Variants in FAM171B observed in about 807,000 individuals in gnomAD.
FAM171B encodes the protein family with sequence similarity 171 member B, also known as protein FAM171B.
Under a neutral mutation model 75.6 loss-of-function variants are expected in FAM171B, and 19 were observed. The observed-to-expected ratio is 0.25, with a 90% CI of 0.18 to 0.37. FAM171B has a LOEUF of 0.37. FAM171B is among the 10% of genes least tolerant of loss of function. FAM171B has a pLI of 1.00. For synonymous variants in FAM171B, 367 were observed against 361.7 expected, an observed-to-expected ratio of 1.01 and a Z score of -0.17; for missense variants, 848 against 982.4, an observed-to-expected ratio of 0.86 and a Z score of 1.83.
intron 1 of FAM171B, among the ~76,000 whole-genome samples, chr2:186,705,561 G>A (rs1689722472): frequency 6.6e-6 from 1 of 152,256 alleles, no homozygotes; most frequent in South Asian, 2.1e-4. Context: ...ACCCCTGAAA[G>A]GGGTCAGAAA....
chr2:186,709,501 T>G (rs189799844), intron 1 of FAM171B, among the ~76,000 whole-genome samples: 1 of 152,314 alleles, frequency 6.6e-6, no homozygotes, highest in Non-Finnish European at 1.5e-5. Flanking sequence ...TGGGATCTAC[T>G]ATGAGCTAGC....
intron 6 of FAM171B, among the ~76,000 whole-genome samples, chr2:186,754,504 G>A (rs1476247183): frequency 6.6e-6 from 1 of 152,146 alleles, no homozygotes; most frequent in African/African-American, 2.4e-5. Context: ...AGGCCTGCTT[G>A]ACTACCTTTG....
chr2:186,746,692 G>A (rs2105788182), intron 3 of FAM171B, among the ~76,000 whole-genome samples: 1 of 152,260 alleles, frequency 6.6e-6, no homozygotes, highest in Middle Eastern at 3.4e-3. Flanking sequence ...CTGTGCTTGG[G>A]ACAGGGCCCA....
At chr2:186,743,397 G>T in intron 2 of FAM171B, 86 bp from the exon 3 acceptor site, 1 of 841,910 alleles carries the variant, frequency 1.2e-6, no homozygotes, top group Admixed American at 2.3e-5. Flanking sequence ...CACACTTTTT[G>T]AGACTTGCTG....
At chr2:186,705,361 C>T (rs1039920445) in intron 1 of FAM171B, among the ~76,000 whole-genome samples, 2 of 152,090 alleles carry the variant, frequency 1.3e-5, no homozygotes, top group African/African-American at 4.8e-5. Context: ...GCTGCTTCTG[C>T]CCTGTCCCTG....
chr2:186,714,373 A>G (rs1448523610), intron 1 of FAM171B, among the ~76,000 whole-genome samples: 1 of 152,204 alleles, frequency 6.6e-6, no homozygotes, highest in Non-Finnish European at 1.5e-5. Flanking sequence ...AAGTAAAACA[A>G]CACTTTACGT....
intron 1 of FAM171B, among the ~76,000 whole-genome samples, chr2:186,717,852 G>C (rs1689895830): frequency 6.6e-6 from 1 of 152,138 alleles, no homozygotes. Flanking sequence ...TAGTTGTAAT[G>C]ACATACGGAT....
chr2:186,745,221 G>T (rs1690349773), intron 3 of FAM171B, among the ~76,000 whole-genome samples: 1 of 152,236 alleles, frequency 6.6e-6, no homozygotes, highest in Non-Finnish European at 1.5e-5. Flanking sequence ...CAAGTATACA[G>T]AGAGGCTCTG....
chr2:186,741,232 A>G (rs1690284672), intron 2 of FAM171B, among the ~76,000 whole-genome samples: 1 of 152,122 alleles, frequency 6.6e-6, no homozygotes, highest in South Asian at 2.1e-4. Flanking sequence ...ATGTGAAAAT[A>G]TATTGCTTAG....
chr2:186,709,710 A>G (rs1270299336), intron 1 of FAM171B, among the ~76,000 whole-genome samples: 2 of 152,072 alleles, frequency 1.3e-5, no homozygotes, highest in African/African-American at 2.4e-5. Context: ...CCTCCTGGCC[A>G]TTTCCCCTAA....
rs939902354 is a variant in FAM171B, at chr2:186,765,853, T to C, written c.*3030T>C. The C allele has an allele frequency of 6.6e-6, 1 of 152,168 alleles. No individual in the cohort carries two copies. Among genetic ancestry groups the C allele is most frequent in the Non-Finnish European group, 1.5e-5 (1 of 68,000 alleles). 9.4% of individuals were successfully genotyped at this position (152,168 alleles called of 1,614,324 possible). Reference sequence around the variant, plus strand: ...CAGAGAAATCTCATATTTCGGTGTATTTATTGCTGTTACTACTATATTTAC... The same window carrying C: ...CAGAGAAATCTCATATTTCGGTGTACTTATTGCTGTTACTACTATATTTAC... On this transcript the variant is annotated 3_prime_UTR_variant, in exon 8 of 8. Coordinates refer to ENST00000304698, the MANE Select transcript of FAM171B (RefSeq NM_177454.4).
chr2:186,725,139 T>C (rs1690011588), intron 1 of FAM171B, among the ~76,000 whole-genome samples: 1 of 152,030 alleles, frequency 6.6e-6, no homozygotes, highest in African/African-American at 2.4e-5. Flanking sequence ...GGTCAGGAGA[T>C]TGAGACCATC....
intron 6 of FAM171B, among the ~76,000 whole-genome samples, chr2:186,755,745 G>A (rs1690523359): frequency 6.6e-6 from 1 of 152,090 alleles, no homozygotes; most frequent in Admixed American, 6.5e-5. Context: ...CTCAGGCTGG[G>A]CTCAAACTCT....
intron 1 of FAM171B, among the ~76,000 whole-genome samples, chr2:186,710,557 T>C (rs1156894301): frequency 2.0e-5 from 3 of 152,138 alleles, no homozygotes; most frequent in Admixed American, 1.3e-4. Flanking sequence ...CTGTTTGATT[T>C]TTATGGCCAC....
Position 186,764,063 on chromosome 2 carries a change from T to A in FAM171B, c.*1240T>A, listed in dbSNP as rs929745365. ...ATGTGAACAACTTTTTAATTAACTC[T>A]GAATTACCATTCATACATCCTAAAA... On this transcript the variant is annotated 3_prime_UTR_variant, in exon 8 of 8. Coordinates refer to ENST00000304698, the MANE Select transcript of FAM171B (RefSeq NM_177454.4). 4 of 152,086 alleles carry A rather than the reference T, an allele frequency of 2.6e-5. No homozygotes were observed. The highest frequency in any genetic ancestry group is 2.1e-4 in the South Asian group (1 of 4,828). 9.4% of individuals were successfully genotyped at this position (152,086 alleles called of 1,614,324 possible). A position where few individuals can be genotyped will look rare whatever the true frequency, so the allele number is the denominator to read the frequency against.
At chr2:186,729,246 CG>C (rs1690077729) in intron 1 of FAM171B, among the ~76,000 whole-genome samples, 1 of 151,756 alleles carries the variant, frequency 6.6e-6, no homozygotes, top group African/African-American at 2.4e-5. Context: ...CATTTTAAAA[CG>C]AATAGTGATA....
chr2:186,752,038 G>A (rs557076024), intron 5 of FAM171B, among the ~76,000 whole-genome samples: 232 of 152,238 alleles, frequency 1.5e-3, no homozygotes, highest in Non-Finnish European at 2.4e-3. Flanking sequence ...TTTCTAGGAT[G>A]GGATTTCCCT....
intron 1 of FAM171B, among the ~76,000 whole-genome samples, chr2:186,730,185 T>A (rs1443626014): frequency 6.6e-6 from 1 of 152,206 alleles, no homozygotes; most frequent in Non-Finnish European, 1.5e-5. Context: ...GGTCTCAATC[T>A]CTTGACCTCG....
rs75100182 is a variant in FAM171B, at chr2:186,761,905, G to A, written c.1563G>A (p.Ala521=). The change falls in exon 8 of 8, where the codon GCG becomes GCA. Residue 521 remains alanine, a synonymous_variant. Coordinates refer to ENST00000304698, the MANE Select transcript of FAM171B (RefSeq NM_177454.4). ...GGTATCTCACAGGTAATGAGGAGGC[G>A]TATGGGCGTTCCCATATTCCTGAAC... ...EKRYLTGNEE[A]YGRSHIPEQL... 6,589 of 1,613,000 alleles carry A rather than the reference G, an allele frequency of 4.1e-3. 131 individuals carry two copies. The African/African-American group carries it at 0.056, about 14-fold the overall frequency.
Sources: gnomAD v4.1 joint callset for allele counts (sites outside exome capture counted in the v4.1 genomes callset) on GRCh38, gnomAD v4.1.1 for gene constraint, MANE v1.5 for transcripts, NCBI Gene and HGNC (gene_info 2026-07-23, HGNC 2026-07-21) for gene names.